UNC5C: variants seen among roughly 807,000 people sequenced by gnomAD.
UNC5C encodes the protein netrin receptor UNC5C.
UNC5C carries 47 observed loss-of-function variants against 99.8 expected under a neutral mutation model. The ratio of observed to expected loss-of-function variants is 0.47; its 90% CI spans 0.37 to 0.60. The LOEUF (loss-of-function observed/expected upper bound fraction) is 0.60. Among genes scored for constraint, UNC5C ranks in the 20% least tolerant of loss-of-function variants. The pLI is 0.00. For synonymous variants in UNC5C, 487 were observed against 452.2 expected (o/e 1.08, Z -0.98); for missense variants, 1,062 against 1,165.9 (o/e 0.91, Z 1.30).
chr4:95,379,432 A>T (rs1413886304), intron 1 of UNC5C, among the ~76,000 whole-genome samples: 2 of 152,212 alleles, frequency 1.3e-5, no homozygotes, highest in South Asian at 2.1e-4. Flanking sequence ...TAGAAAATAC[A>T]AACAACATTA....
At chr4:95,296,761 C>T (rs1286158353) in intron 3 of UNC5C, among the ~76,000 whole-genome samples, 1 of 152,158 alleles carries the variant, frequency 6.6e-6, no homozygotes, top group South Asian at 2.1e-4. Flanking sequence ...CCTTTGATTA[C>T]AGTTTGAAAC....
intron 1 of UNC5C, among the ~76,000 whole-genome samples, chr4:95,437,896 G>A (rs753772083): frequency 5.3e-5 from 8 of 152,050 alleles, no homozygotes; most frequent in African/African-American, 1.7e-4. Flanking sequence ...CAGGACTTCC[G>A]TGTGATTAAT....
At chr4:95,300,026 G>C (rs1239186508) in intron 3 of UNC5C, among the ~76,000 whole-genome samples, 1 of 152,188 alleles carries the variant, frequency 6.6e-6, no homozygotes, top group African/African-American at 2.4e-5. Context: ...GTATAGAACT[G>C]GGGAATGCTT....
chr4:95,242,711 G>C, intron 6 of UNC5C, 118 bp from the exon 7 acceptor site: 5 of 1,161,130 alleles, frequency 4.3e-6, no homozygotes, highest in Non-Finnish European at 5.9e-6. Flanking sequence ...CTACTGAGAA[G>C]CACTGTATTC....
chr4:95,477,470 T>C (rs2149476514), intron 1 of UNC5C, among the ~76,000 whole-genome samples: 1 of 152,150 alleles, frequency 6.6e-6, no homozygotes, highest in South Asian at 2.1e-4. Context: ...AAACTGAAGT[T>C]GGTGGAGCCA....
chr4:95,447,076 T>G (rs1747127705), intron 1 of UNC5C, among the ~76,000 whole-genome samples: 1 of 152,204 alleles, frequency 6.6e-6, no homozygotes, highest in African/African-American at 2.4e-5. Context: ...CAAGATGTGT[T>G]CCTCTGTAGC....
chr4:95,468,068 A>G (rs1349568961), intron 1 of UNC5C, among the ~76,000 whole-genome samples: 1 of 151,138 alleles, frequency 6.6e-6, no homozygotes, highest in Non-Finnish European at 1.5e-5. Context: ...AAAGGGAGGC[A>G]GGAGAGGAAG....
chr4:95,207,591 A>G (rs1737927233), intron 10 of UNC5C, among the ~76,000 whole-genome samples: 1 of 152,210 alleles, frequency 6.6e-6, no homozygotes, highest in Non-Finnish European at 1.5e-5. Flanking sequence ...TCTCACAACT[A>G]AGTGCTAGTT....
chr4:95,318,903 G>A (rs1742578961), intron 2 of UNC5C, among the ~76,000 whole-genome samples: 1 of 152,176 alleles, frequency 6.6e-6, no homozygotes, highest in Non-Finnish European at 1.5e-5. Context: ...GGGGTTTCAT[G>A]AATTTATTCT....
intron 1 of UNC5C, among the ~76,000 whole-genome samples, chr4:95,503,057 G>C (rs987048099): frequency 6.6e-6 from 1 of 152,036 alleles, no homozygotes; most frequent in Non-Finnish European, 1.5e-5. Context: ...GCTATGGCTT[G>C]AATGTGTCTC....
At chr4:95,173,990 A>G (rs1736231466) in intron 14 of UNC5C, among the ~76,000 whole-genome samples, 1 of 151,994 alleles carries the variant, frequency 6.6e-6, no homozygotes, top group Non-Finnish European at 1.5e-5. Flanking sequence ...GTGTTGAGGA[A>G]TTTATCCATT....
chr4:95,520,272 A>C (rs1050648992), intron 1 of UNC5C, among the ~76,000 whole-genome samples: 1 of 152,242 alleles, frequency 6.6e-6, no homozygotes, highest in East Asian at 1.9e-4. Flanking sequence ...TAATACAATT[A>C]ATTTTAAAAG....
intron 1 of UNC5C, among the ~76,000 whole-genome samples, chr4:95,397,132 C>T (rs1158419163): frequency 6.6e-6 from 1 of 152,146 alleles, no homozygotes; most frequent in Non-Finnish European, 1.5e-5. Context: ...CAGGGAAATG[C>T]AGCCTTTTGA....
chr4:95,387,549 A>G (rs987270305), intron 1 of UNC5C, among the ~76,000 whole-genome samples: 1 of 152,214 alleles, frequency 6.6e-6, no homozygotes, highest in Non-Finnish European at 1.5e-5. Context: ...CACTTTTAAA[A>G]TGTAATAAGG....
chr4:95,272,464 TAC>T (rs1374159352), intron 4 of UNC5C, among the ~76,000 whole-genome samples: 5 of 152,248 alleles, frequency 3.3e-5, no homozygotes, highest in African/African-American at 1.2e-4. Context: ...TAATTTGGCT[TAC>T]AGTGTTTCTG....
chr4:95,242,500 T>C lies in UNC5C; in HGVS notation c.1037A>G (p.Lys346Arg). ...GCCGTCGCAGTCCTTGCCTCCATTC[T>C]TGGGGGCTGGCGCCGTGCACTCCCT... ...RRRECTAPAP[K>R]NGGKDCDGLV... Residue 346 changes from lysine to arginine, a missense_variant, in exon 7 of 16, where the codon AAG becomes AGG. Coordinates refer to ENST00000453304, the MANE Select transcript of UNC5C (RefSeq NM_003728.4). The C allele has an allele frequency of 6.2e-7, 1 of 1,613,862 alleles. No homozygotes were observed. The highest frequency in any genetic ancestry group is 8.5e-7 in the Non-Finnish European group (1 of 1,179,876).
At chr4:95,212,102 A>G (rs1738093401) in intron 10 of UNC5C, among the ~76,000 whole-genome samples, 1 of 152,224 alleles carries the variant, frequency 6.6e-6, no homozygotes, top group South Asian at 2.1e-4. Flanking sequence ...AATTACCTAC[A>G]TAGGGAATTT....
chr4:95,345,824 C>T (rs1743749705), intron 1 of UNC5C, among the ~76,000 whole-genome samples: 1 of 151,768 alleles, frequency 6.6e-6, no homozygotes, highest in Non-Finnish European at 1.5e-5. Flanking sequence ...GGAAACACAA[C>T]ATACCAAAAC....
rs11289494 is a variant in UNC5C at position 95,452,256 on chromosome 4, T to TA, written c.124+96477dup. Among the ~76,000 whole-genome samples the TA allele has an allele frequency of 9.9e-3, 1,493 of 150,690 alleles. 23 individuals are homozygous for TA. The highest frequency in any genetic ancestry group is 0.034 in the African/African-American group (1,409 of 41,166). On this transcript the variant is annotated intron_variant, in intron 1 of 15. Coordinates refer to ENST00000453304, the MANE Select transcript of UNC5C (RefSeq NM_003728.4). ...CAACTCTTTGCATATAACTTTCTGATAAAAAAAAAATCCCACATACTTCAT... is the reference window on the plus strand; with the variant it reads ...CAACTCTTTGCATATAACTTTCTGATAAAAAAAAAAATCCCACATACTTCAT...
Sources: allele counts gnomAD v4.1 joint callset (sites outside exome capture counted in the v4.1 genomes callset), GRCh38; gene constraint gnomAD v4.1.1; transcripts MANE v1.5; gene names NCBI Gene and HGNC (gene_info 2026-07-23, HGNC 2026-07-21).